PCDHGA1: variants seen among roughly 807,000 people sequenced by gnomAD.
The protein encoded by PCDHGA1 is protocadherin gamma subfamily A, 1, also known as protocadherin gamma-A1.
A neutral mutation model predicts 58.0 loss-of-function variants in PCDHGA1; 32 were observed. The observed-to-expected ratio is 0.55, with a 90% confidence interval of 0.42 to 0.74. PCDHGA1 has a LOEUF of 0.74. Among genes scored for constraint, PCDHGA1 ranks in the 30% least tolerant of loss-of-function variants. The probability of loss-of-function intolerance (pLI) is 0.00; values close to 1 mark genes in which losing one functional copy is unlikely to be tolerated. For missense variants in PCDHGA1, 1,205 were observed against 1,182.3 expected (o/e 1.02, Z -0.28); for synonymous variants, 498 against 501.1 (o/e 0.99, Z 0.08).
intron 1 of PCDHGA1, 96 bp from the exon 2 acceptor site, chr5:141,494,711 A>T (rs757105958): frequency 6.3e-7 from 1 of 1,599,616 alleles, no homozygotes; most frequent in Non-Finnish European, 8.5e-7. Context: ...CTCTGTGCCC[A>T]CTCCCCTCCT....
intron 1 of PCDHGA1, chr5:141,339,269 G>A (rs373238461): frequency 1.2e-6 from 2 of 1,614,172 alleles, no homozygotes; most frequent in Non-Finnish European, 1.7e-6. Flanking sequence ...CGCTCAGAGC[G>A]CACCCTGTCT....
chr5:141,491,564 G>A lies in PCDHGA1; in HGVS notation c.2422-3243G>A, dbSNP rs2099721154. On this transcript the variant is annotated intron_variant, in intron 1 of 3. Coordinates refer to ENST00000517417, the MANE Select transcript of PCDHGA1 (RefSeq NM_018912.3). The surrounding 1 kb of genome is among the most constrained non-coding windows in gnomAD (Gnocchi z 6.9). Reference sequence around the variant, plus strand: ...ACAGACTCGCAGAGCCACTGCTACAGGACGTGCTTTTCACCGGCCTCGGAC... The same window carrying A: ...ACAGACTCGCAGAGCCACTGCTACAAGACGTGCTTTTCACCGGCCTCGGAC... The A allele has an allele frequency of 3.1e-6, 5 of 1,613,878 alleles. No individual in the cohort carries two copies. Among genetic ancestry groups the A allele is most frequent in the Non-Finnish European group, 8.5e-7 (1 of 1,180,042 alleles).
rs186005750 is a variant in PCDHGA1, at chr5:141,351,541, C to T, written c.2421+18436C>T. Reference sequence around the variant, plus strand: ...TAGCCACCGACAAGGGCAAACCAGCCCTTTCCTCCAGGACAAGCATCACCC... The same window carrying T: ...TAGCCACCGACAAGGGCAAACCAGCTCTTTCCTCCAGGACAAGCATCACCC... On this transcript the variant is annotated intron_variant, in intron 1 of 3. Transcript: ENST00000517417. 154 of 1,614,046 alleles carry T rather than the reference C, an allele frequency of 9.5e-5. 1 individual carries two copies. The East Asian group carries it at 1.2e-3, about 12-fold the overall frequency.
chr5:141,473,894 T>C (rs1224416966), intron 1 of PCDHGA1, among the ~76,000 whole-genome samples: 1 of 152,134 alleles, frequency 6.6e-6, no homozygotes, highest in Non-Finnish European at 1.5e-5. Context: ...GTTCTGTTGG[T>C]TCATGAAGAG....
intron 1 of PCDHGA1, chr5:141,410,044 C>T (rs1220745023): frequency 1.7e-5 from 27 of 1,613,184 alleles, no homozygotes; most frequent in Admixed American, 3.3e-5. Context: ...CCAGTGAGCC[C>T]GGACTCTTCA....
intron 1 of PCDHGA1, chr5:141,383,993 T>C: frequency 2.5e-6 from 4 of 1,613,872 alleles, no homozygotes; most frequent in Non-Finnish European, 3.4e-6. Context: ...CTTGGGACAG[T>C]CATTGCTCTT....
At chr5:141,369,414 C>T (rs1245319622) in intron 1 of PCDHGA1, among the ~76,000 whole-genome samples, 1 of 152,114 alleles carries the variant, frequency 6.6e-6, no homozygotes, top group African/African-American at 2.4e-5. Context: ...TGACTATAAT[C>T]CCAGCAATTT....
chr5:141,332,941 T>A lies in PCDHGA1; in HGVS notation c.2257T>A (p.Tyr753Asn), dbSNP rs757006025. The part of the protein sequence containing the change: ...VDGVRAFLQT[Y>N]SHEVSLTADS... Reference sequence around the variant, plus strand: ...CGGGGTTCGGGCTTTCCTGCAGACCTATTCCCACGAGGTCTCCCTCACTGC... The same window carrying A: ...CGGGGTTCGGGCTTTCCTGCAGACCAATTCCCACGAGGTCTCCCTCACTGC... Residue 753 changes from tyrosine (Y) to asparagine (N), a missense_variant, in exon 1 of 4, where the codon TAT (tyrosine) becomes AAT (asparagine). Physicochemically the swap from Tyr to Asn is moderately radical, Grantham distance 143 (BLOSUM62 -2). Transcript: ENST00000517417. This position sits in a 1 kb window ranked among gnomAD's most constrained non-coding sequence, Gnocchi z 4.6. The A allele has an allele frequency of 6.8e-6, 11 of 1,614,172 alleles. No individual in the cohort carries two copies. Among genetic ancestry groups the A allele is most frequent in the Non-Finnish European group, 7.6e-6 (9 of 1,180,024 alleles).
At chr5:141,339,101 T>C in intron 1 of PCDHGA1, 1 of 1,614,232 alleles carries the variant, frequency 6.2e-7, no homozygotes, top group Non-Finnish European at 8.5e-7. Context: ...CAGAGGCTCC[T>C]TCGTAGGCAA....
At position 141,486,891 on chromosome 5, in the gene PCDHGA1, G is replaced by C. The variant is rs201201426; in HGVS notation, c.2422-7916G>C. On this transcript the variant is annotated intron_variant, in intron 1 of 3. Transcript: ENST00000517417. This position sits in a 1 kb window ranked among gnomAD's most constrained non-coding sequence, Gnocchi z 5.0. ...GTGCTCCGTCCTCGGGCCCGGCCTGGTTCCTTATGTCCCCAAGCACTGCCT... is the reference window on the plus strand; with the variant it reads ...GTGCTCCGTCCTCGGGCCCGGCCTGCTTCCTTATGTCCCCAAGCACTGCCT... 14 of 1,614,118 alleles carry C rather than the reference G, an allele frequency of 8.7e-6. No homozygotes were observed. The highest frequency in any genetic ancestry group is 3.3e-5 in the Admixed American group (2 of 60,008).
At chr5:141,338,856 T>G (rs1756783930) in intron 1 of PCDHGA1, 1 of 1,426,174 alleles carries the variant, frequency 7.0e-7, no homozygotes, top group Non-Finnish European at 9.2e-7. Flanking sequence ...CCACCAGTTC[T>G]CTCCATAGGG....
chr5:141,372,772 A>C (rs1359362991), intron 1 of PCDHGA1: 2 of 1,611,080 alleles, frequency 1.2e-6, no homozygotes, highest in Non-Finnish European at 1.7e-6. Flanking sequence ...AGTAATGACA[A>C]TCCAGAAATG....
intron 1 of PCDHGA1, chr5:141,351,756 C>T: frequency 6.2e-7 from 1 of 1,613,612 alleles, no homozygotes. Flanking sequence ...GAGCTGTTGT[C>T]CTACGTGTCC....
chr5:141,330,730 C>T lies in PCDHGA1; in HGVS notation c.46C>T (p.Leu16=). The T allele has an allele frequency of 6.2e-7, 1 of 1,613,574 alleles. No individual in the cohort carries two copies. The highest frequency in any genetic ancestry group is 1.7e-4 in the Middle Eastern group (1 of 6,060). The change falls in exon 1 of 4, where the codon CTG becomes TTG. Residue 16 remains leucine, a synonymous_variant. Coordinates refer to ENST00000517417, the MANE Select transcript of PCDHGA1 (RefSeq NM_018912.3). The part of the protein sequence containing the change: ...KLTGCSRLML[L]CLSLELLLEA... ...GACTGGCTGCAGCAGGCTGATGCTT[C>T]TGTGTCTTTCTCTGGAGCTGCTGTT...
intron 1 of PCDHGA1, chr5:141,409,017 G>T (rs745981387): frequency 3.1e-6 from 5 of 1,613,840 alleles, no homozygotes; most frequent in Non-Finnish European, 4.2e-6. Flanking sequence ...CAGGATGAGG[G>T]GGTCAATGCT....
intron 1 of PCDHGA1, chr5:141,428,419 CTCTGT>C (rs2097138377): frequency 4.4e-6 from 2 of 451,802 alleles, no homozygotes; most frequent in African/African-American, 2.0e-5. Context: ...TCACCCTGGT[CTCTGT>C]TCTAAGACTA....
chr5:141,399,133 G>A (rs1054849184), intron 1 of PCDHGA1: 1 of 1,613,714 alleles, frequency 6.2e-7, no homozygotes, highest in Non-Finnish European at 8.5e-7. Flanking sequence ...TATTCAAGAT[G>A]AAAATGACAA....
chr5:141,400,559 C>T (rs2150864766), intron 1 of PCDHGA1: 2 of 1,613,274 alleles, frequency 1.2e-6, no homozygotes, highest in Non-Finnish European at 1.7e-6. Flanking sequence ...TTTTCATTAC[C>T]CACCCAATTT....
In PCDHGA1 at chr5:141,477,211, C is replaced by T. The variant is rs1282763530; in HGVS notation, c.2422-17596C>T. On this transcript the variant is annotated intron_variant, in intron 1 of 3. Coordinates refer to ENST00000517417, the MANE Select transcript of PCDHGA1 (RefSeq NM_018912.3). The surrounding 1 kb of genome is among the most constrained non-coding windows in gnomAD (Gnocchi z 4.9). ...TGTACAGCCCAGTACCCGAGGATGC[C>T]CCTCTGGGGACTGTCATCGCTTTGC... 2 of 1,614,154 alleles carry T rather than the reference C, an allele frequency of 1.2e-6. No individual in the cohort carries two copies. Among genetic ancestry groups the T allele is most frequent in the East Asian group, 4.5e-5 (2 of 44,870 alleles).
Sources: gnomAD v4.1 joint callset for allele counts (sites outside exome capture counted in the v4.1 genomes callset) on GRCh38, gnomAD v4.1.1 for gene constraint, Gnocchi (gnomAD v3.1) non-coding constraint, MANE v1.5 for transcripts, NCBI Gene and HGNC (gene_info 2026-07-23, HGNC 2026-07-21) for gene names.